The following ZFHX3 variants were observed in gnomAD, a reference collection of about 807,000 sequenced individuals.
ZFHX3 encodes zinc finger homeobox protein 3.
A neutral mutation model predicts 279.1 loss-of-function variants in ZFHX3; 42 were observed. That is an observed-to-expected ratio of 0.15 (90% CI 0.12 to 0.19). The LOEUF (loss-of-function observed/expected upper bound fraction) is 0.19, where lower values mean the gene tolerates loss of function less well. ZFHX3 is among the 10% of genes least tolerant of loss of function. The pLI is 1.00. For synonymous variants in ZFHX3, 2,293 were observed against 1,957.8 expected, an observed-to-expected ratio of 1.17 and a Z score of -4.52; for missense variants, 4,981 against 4,754.0, an observed-to-expected ratio of 1.05 and a Z score of -1.40.
intron 2 of ZFHX3, among the ~76,000 whole-genome samples, chr16:73,671,969 C>CT (rs139746523): frequency 3.7e-4 from 55 of 146,950 alleles, no homozygotes; most frequent in East Asian, 6.0e-4. Flanking sequence ...CATCTTTCTG[C>CT]TTTTTTTTTT....
At chr16:73,174,926 C>T (rs541817519) in intron 5 of ZFHX3, among the ~76,000 whole-genome samples, 9 of 150,794 alleles carry the variant, frequency 6.0e-5, no homozygotes, top group African/African-American at 1.7e-4. Flanking sequence ...CCCAGCTACT[C>T]GGGAGGCAGG....
At chr16:73,778,675 C>T (rs924747779) in intron 1 of ZFHX3, among the ~76,000 whole-genome samples, 2 of 152,194 alleles carry the variant, frequency 1.3e-5, no homozygotes, top group Non-Finnish European at 2.9e-5. Flanking sequence ...GCGCTAAATT[C>T]TAAAGGATTT....
intron 2 of ZFHX3, among the ~76,000 whole-genome samples, chr16:73,462,901 T>C (rs2018496655): frequency 6.6e-6 from 1 of 152,230 alleles, no homozygotes; most frequent in Non-Finnish European, 1.5e-5. Flanking sequence ...AGTCTGGGTT[T>C]GGCATCAATA....
intron 5 of ZFHX3, among the ~76,000 whole-genome samples, chr16:73,245,007 T>C (rs555837868): frequency 1.3e-5 from 2 of 152,328 alleles, no homozygotes; most frequent in South Asian, 4.1e-4. Flanking sequence ...CCCAGCTCTA[T>C]ATAGCTTTGA....
chr16:73,628,355 A>G (rs902515184), intron 2 of ZFHX3, among the ~76,000 whole-genome samples: 7 of 152,214 alleles, frequency 4.6e-5, no homozygotes, highest in Non-Finnish European at 7.3e-5. Context: ...AAGAGCATCC[A>G]TTTCATAAAG....
In ZFHX3 at chr16:73,546,671, TTGCTGCTGCTGCTGCTGC is replaced by T. The variant is rs57427757; in HGVS notation, c.-1546-90431_-1546-90414del. Among the ~76,000 whole-genome samples the T allele has an allele frequency of 7.1e-3, 1,017 of 143,518 alleles. 8 individuals are homozygous for T. The highest frequency in any genetic ancestry group is 0.016 in the South Asian group (68 of 4,196). 94.2% of individuals were successfully genotyped at this position (143,518 alleles called of 152,430 possible). Reference sequence around the variant, plus strand: ...TGAGAAAAAGCTTTGGGTGCTGCTGTTGCTGCTGCTGCTGCTGCTGCTGCTGCTGCTGCTGCTGCTGCT... The same window carrying T: ...TGAGAAAAAGCTTTGGGTGCTGCTGTTGCTGCTGCTGCTGCTGCTGCTGCT... On this transcript the variant is annotated intron_variant, in intron 2 of 17. Transcript: ENST00000641206.
At chr16:72,928,191 G>C (rs1215302548) in intron 3 of ZFHX3, among the ~76,000 whole-genome samples, 1,957 of 47,546 alleles carry the variant, frequency 0.041, 467 homozygotes, top group African/African-American at 0.079. Context: ...GAGAGGGAGG[G>C]GGAGGGGAGC....
intron 1 of ZFHX3, among the ~76,000 whole-genome samples, chr16:73,851,720 T>A (rs1344995398): frequency 6.6e-6 from 1 of 152,204 alleles, no homozygotes; most frequent in Non-Finnish European, 1.5e-5. Context: ...TACTATTGTA[T>A]CAAACATACA....
chr16:73,242,019 C>G (rs1379792742), intron 5 of ZFHX3, among the ~76,000 whole-genome samples: 2 of 152,048 alleles, frequency 1.3e-5, no homozygotes, highest in African/African-American at 4.8e-5. Flanking sequence ...ATAACAATGT[C>G]AAGTGCTGGG....
At chr16:73,333,814 A>AC (rs1297969524) in intron 3 of ZFHX3, among the ~76,000 whole-genome samples, 24 of 150,874 alleles carry the variant, frequency 1.6e-4, no homozygotes, top group African/African-American at 5.6e-4. Context: ...CCAAAAAAAA[A>AC]AAAAAAAAAA....
In ZFHX3 at chr16:72,793,403, C is replaced by T; in HGVS notation, c.9279G>A (p.Leu3093=). Residue 3093 remains leucine, a synonymous_variant, in exon 9 of 10, where the codon CTG becomes CTA. Coordinates refer to ENST00000268489, the MANE Select transcript of ZFHX3 (RefSeq NM_006885.4). This position sits in a 1 kb window ranked among gnomAD's most constrained non-coding sequence, Gnocchi z 4.3. ...RIKKANEVLG[L]AAQQQGMFDN... The stretch of plus-strand genomic sequence containing the variant: ...CAAACATCCCTTGCTGCTGAGCTGC[C>T]AGTCCAAGGACCTCGTTGGCCTTTT... 1 of 1,614,184 alleles carries T rather than the reference C, an allele frequency of 6.2e-7. No individual in the cohort carries two copies. Among genetic ancestry groups the T allele is most frequent in the Non-Finnish European group, 8.5e-7 (1 of 1,180,030 alleles).
chr16:73,512,221 AG>A (rs2019441272), intron 2 of ZFHX3, among the ~76,000 whole-genome samples: 1 of 142,442 alleles, frequency 7.0e-6, no homozygotes, highest in Non-Finnish European at 1.5e-5. Context: ...CAAGGTCAGG[AG>A]GTTGAGACCA....
chr16:72,894,607 G>A (rs1406663536), intron 3 of ZFHX3, among the ~76,000 whole-genome samples: 1 of 152,342 alleles, frequency 6.6e-6, no homozygotes, highest in South Asian at 2.1e-4. Context: ...GAAGGGAGTG[G>A]ATGTTTTCAT....
At position 72,786,894 on chromosome 16, in the gene ZFHX3, A is replaced by G. The variant is rs183653597; in HGVS notation, c.*270T>C. 2.4e-3 allele frequency: 501 copies of G among 210,154 alleles called. 1 individual carries two copies. The highest frequency in any genetic ancestry group is 3.9e-3 in the Admixed American group (65 of 16,654). 13.0% of individuals were successfully genotyped at this position (210,154 alleles called of 1,614,324 possible). A position where few individuals can be genotyped will look rare whatever the true frequency, so the allele number is the denominator to read the frequency against. On this transcript the variant is annotated 3_prime_UTR_variant, in exon 10 of 10. Transcript: ENST00000268489. ...CCTGCGGACTTCTGTTTCCCAGACC[A>G]ATAGTACCTTCAAAAGGACACAATG...
intron 7 of ZFHX3, chr16:73,093,709 C>T: frequency 4.4e-6 from 1 of 227,116 alleles, no homozygotes; most frequent in Non-Finnish European, 9.5e-6. Context: ...CCATAATGCC[C>T]TCCTGGCGGC....
At chr16:73,841,885 A>C (rs1461644154) in intron 1 of ZFHX3, among the ~76,000 whole-genome samples, 1 of 152,158 alleles carries the variant, frequency 6.6e-6, no homozygotes, top group African/African-American at 2.4e-5. Context: ...GTACATGTGC[A>C]ACCCAACTTC....
At chr16:73,104,235 A>C (rs1966266677) in intron 7 of ZFHX3, among the ~76,000 whole-genome samples, 1 of 149,928 alleles carries the variant, frequency 6.7e-6, no homozygotes, top group African/African-American at 2.5e-5. Context: ...TTATTTATTT[A>C]TTTTATTTTT....
rs561440747 is a variant in ZFHX3, at chr16:73,488,160, G to A, written c.-1546-31902C>T. ...ACAAAAGGAGCCTAGAAGAATTTGAGAGAACAAATTTGCTCCTTTGGGAGC... is the reference window on the plus strand; with the variant it reads ...ACAAAAGGAGCCTAGAAGAATTTGAAAGAACAAATTTGCTCCTTTGGGAGC... On this transcript the variant is annotated intron_variant, in intron 2 of 17. Coordinates refer to the ZFHX3 transcript ENST00000641206. Among the ~76,000 whole-genome samples, 8 of 152,328 alleles carry A rather than the reference G, an allele frequency of 5.3e-5. No individual in the cohort carries two copies. The South Asian group carries it at 1.7e-3, about 32-fold the overall frequency.
intron 2 of ZFHX3, among the ~76,000 whole-genome samples, chr16:73,469,124 C>A (rs2018619774): frequency 6.6e-6 from 1 of 152,204 alleles, no homozygotes; most frequent in Admixed American, 6.5e-5. Flanking sequence ...GCTCCCCAGT[C>A]TTTCCCACCA....
Sources: gnomAD v4.1 joint callset for allele counts (sites outside exome capture counted in the v4.1 genomes callset) on GRCh38, gnomAD v4.1.1 for gene constraint, Gnocchi (gnomAD v3.1) non-coding constraint, MANE v1.5 for transcripts, NCBI Gene and HGNC (gene_info 2026-07-23, HGNC 2026-07-21) for gene names.